The following DPYSL5 variants were observed in gnomAD, a reference collection of about 807,000 sequenced individuals.
The protein encoded by DPYSL5 is dihydropyrimidinase like 5.
A neutral mutation model predicts 58.4 loss-of-function variants in DPYSL5; 9 were observed. The ratio of observed to expected loss-of-function variants is 0.15; its 90% CI spans 0.09 to 0.27. The LOEUF (loss-of-function observed/expected upper bound fraction) is 0.27, where lower values mean the gene tolerates loss of function less well. Among genes scored for constraint, DPYSL5 ranks in the 10% least tolerant of loss-of-function variants. The pLI is 1.00. For synonymous variants in DPYSL5, 293 were observed against 301.9 expected (o/e 0.97, Z 0.31); for missense variants, 499 against 770.6 (o/e 0.65, Z 4.17).
intron 1 of DPYSL5, among the ~76,000 whole-genome samples, chr2:26,851,213 T>C (rs929110948): frequency 7.1e-5 from 10 of 141,004 alleles, no homozygotes; most frequent in African/African-American, 2.8e-4. Context: ...GGCTTCTTTT[T>C]TGTAATAATT....
chr2:26,932,115 A>AAAAGAAAAAG, intron 6 of DPYSL5, among the ~76,000 whole-genome samples: 1 of 141,946 alleles, frequency 7.0e-6, no homozygotes, highest in Non-Finnish European at 1.5e-5. Flanking sequence ...AAGAAAAGAA[A>AAAAGAAAAAG]AAAGAAAGAG....
chr2:26,885,263 C>G (rs1035659449), intron 1 of DPYSL5, among the ~76,000 whole-genome samples: 1 of 152,126 alleles, frequency 6.6e-6, no homozygotes, highest in African/African-American at 2.4e-5. Flanking sequence ...CATATTCACA[C>G]CCATGACGCT....
intron 1 of DPYSL5, among the ~76,000 whole-genome samples, chr2:26,871,373 A>G (rs1281275595): frequency 6.6e-6 from 1 of 152,166 alleles, no homozygotes; most frequent in Non-Finnish European, 1.5e-5. Context: ...AAGAAACATT[A>G]TATCAGCATC....
At chr2:26,889,172 G>A (rs1663806327) in intron 1 of DPYSL5, among the ~76,000 whole-genome samples, 1 of 152,092 alleles carries the variant, frequency 6.6e-6, no homozygotes, top group African/African-American at 2.4e-5. Flanking sequence ...GCCAGATATT[G>A]ACTCTGTCTG....
Position 26,898,438 on chromosome 2 carries a change from G to A in DPYSL5, c.-4-58G>A. 3.2e-6 allele frequency: 5 copies of A among 1,580,344 alleles called. No homozygotes were observed. The highest frequency in any genetic ancestry group is 1.3e-5 in the African/African-American group (1 of 74,540). ...GAATTTGGGCTTTGATAGGAGGGAT[G>A]GGAAACTGGAAACAGTGAGAAGGGA... On this transcript the variant is annotated intron_variant, in intron 1 of 12. Transcript: ENST00000288699. This position sits in a 1 kb window ranked among gnomAD's most constrained non-coding sequence, Gnocchi z 6.1.
chr2:26,891,600 G>T (rs1663881484), intron 1 of DPYSL5, among the ~76,000 whole-genome samples: 1 of 152,174 alleles, frequency 6.6e-6, no homozygotes, highest in Non-Finnish European at 1.5e-5. Context: ...GCAGAGGGAG[G>T]AACTGAGCCA....
At chr2:26,940,941 A>ATTTT (rs548438479) in intron 9 of DPYSL5, among the ~76,000 whole-genome samples, 5 of 142,356 alleles carry the variant, frequency 3.5e-5, no homozygotes, top group South Asian at 2.2e-4. Context: ...ATTATTATTT[A>ATTTT]TTTTTTTTTG....
rs1665582433 is a variant in DPYSL5, at chr2:26,949,646, C to T, written c.*2651C>T. 1 of 152,266 alleles carries T rather than the reference C, an allele frequency of 6.6e-6. No homozygotes were observed. The highest frequency in any genetic ancestry group is 1.5e-5 in the Non-Finnish European group (1 of 68,106). 9.4% of individuals were successfully genotyped at this position (152,266 alleles called of 1,614,324 possible). A position where few individuals can be genotyped will look rare whatever the true frequency, so the allele number is the denominator to read the frequency against. ...TGCCTCCGCCTGAGAGATGTGTGAC[C>T]CGTGGCACCAGGGAACCACGTCTTG... On this transcript the variant is annotated 3_prime_UTR_variant, in exon 13 of 13. Transcript: ENST00000288699.
chr2:26,913,903 T>A (rs1381505121), intron 2 of DPYSL5, among the ~76,000 whole-genome samples: 4 of 151,938 alleles, frequency 2.6e-5, no homozygotes, highest in Non-Finnish European at 4.4e-5. Flanking sequence ...ATGCATGCTT[T>A]TACATTTCTC....
intron 2 of DPYSL5, among the ~76,000 whole-genome samples, chr2:26,917,050 T>C (rs777721783): frequency 6.6e-6 from 1 of 152,218 alleles, no homozygotes; most frequent in Non-Finnish European, 1.5e-5. Flanking sequence ...TTAATTCTCA[T>C]AGTAACTCCA....
intron 1 of DPYSL5, among the ~76,000 whole-genome samples, chr2:26,889,694 A>G (rs771689845): frequency 5.1e-5 from 7 of 138,152 alleles, no homozygotes; most frequent in East Asian, 2.0e-4. Flanking sequence ...TAGCGTAGGG[A>G]AAAAAAAAAA....
At chr2:26,901,888 T>C (rs1664168918) in intron 2 of DPYSL5, among the ~76,000 whole-genome samples, 1 of 151,828 alleles carries the variant, frequency 6.6e-6, no homozygotes, top group Admixed American at 6.6e-5. Flanking sequence ...GCCTCCATTG[T>C]ACTTGACCTC....
At chr2:26,923,740 G>A (rs149316496) in intron 2 of DPYSL5, among the ~76,000 whole-genome samples, 1 of 151,950 alleles carries the variant, frequency 6.6e-6, no homozygotes, top group African/African-American at 2.4e-5. Flanking sequence ...GGCTCACTGC[G>A]ACCTCCACCT....
At chr2:26,882,394 C>T (rs991744842) in intron 1 of DPYSL5, among the ~76,000 whole-genome samples, 4 of 151,534 alleles carry the variant, frequency 2.6e-5, no homozygotes, top group African/African-American at 9.7e-5. Context: ...TACAGGCGCA[C>T]ACCACCATGC....
chr2:26,926,987 T>C (rs1262947533), intron 3 of DPYSL5, among the ~76,000 whole-genome samples: 3 of 152,264 alleles, frequency 2.0e-5, no homozygotes, highest in Non-Finnish European at 2.9e-5. Flanking sequence ...GCCTAAGTGA[T>C]AGGAGAAACG....
intron 2 of DPYSL5, among the ~76,000 whole-genome samples, chr2:26,922,701 A>G (rs6719846): frequency 0.98 from 149,794 of 152,340 alleles, 73,705 homozygotes; most frequent in East Asian, 1. Context: ...CCACGTGCAC[A>G]TGTAAAAGCA....
intron 2 of DPYSL5, among the ~76,000 whole-genome samples, chr2:26,918,135 CAAAAAAA>C (rs71401540): frequency 2.0e-4 from 11 of 54,076 alleles, no homozygotes; most frequent in East Asian, 7.2e-4. Context: ...GAGTCTGTCT[CAAAAAAA>C]AAAAAAAAAA....
intron 2 of DPYSL5, among the ~76,000 whole-genome samples, chr2:26,923,833 G>T (rs1023573762): frequency 2.6e-5 from 4 of 152,006 alleles, no homozygotes; most frequent in Non-Finnish European, 5.9e-5. Context: ...GCTAATTTCT[G>T]TATTTTTGTA....
intron 6 of DPYSL5, among the ~76,000 whole-genome samples, chr2:26,932,177 A>AAGAAAGAAAGAAAGAAAGAAAGAAAGAC (rs1665034761): frequency 3.8e-5 from 3 of 78,522 alleles, no homozygotes; most frequent in East Asian, 3.7e-4. Flanking sequence ...GAAAGAAAGA[A>AAGAAAGAAAGAAAGAAAGAAAGAAAGAC]AGAAAGAAAG....
Sources: gnomAD v4.1 joint callset for allele counts (sites outside exome capture counted in the v4.1 genomes callset) on GRCh38, gnomAD v4.1.1 for gene constraint, Gnocchi (gnomAD v3.1) non-coding constraint, MANE v1.5 for transcripts, NCBI Gene and HGNC (gene_info 2026-07-23, HGNC 2026-07-21) for gene names.